GCFC2: variants seen among roughly 807,000 people sequenced by gnomAD.
The protein encoded by GCFC2 is intron Large complex component GCFC2.
In GCFC2, 102 loss-of-function variants were observed where a neutral mutation model predicts 99.4. The observed-to-expected ratio is 1.03, with a 90% CI of 0.87 to 1.21. The LOEUF (loss-of-function observed/expected upper bound fraction) is 1.21, where lower values mean the gene tolerates loss of function less well. Among genes scored for constraint, GCFC2 ranks in the 50% most tolerant of loss-of-function variants. The probability of loss-of-function intolerance (pLI) is 0.00; values close to 1 mark genes in which losing one functional copy is unlikely to be tolerated. For synonymous variants in GCFC2, 338 were observed against 316.8 expected (o/e 1.07, Z -0.71); for missense variants, 973 against 920.9 (o/e 1.06, Z -0.73).
At chr2:75,670,561 A>G (rs1679052313) in intron 14 of GCFC2, 1 of 241,742 alleles carries the variant, frequency 4.1e-6, no homozygotes. Flanking sequence ...TTCCTTCCCA[A>G]TCCATTTTCT....
intron 4 of GCFC2, among the ~76,000 whole-genome samples, chr2:75,696,614 A>C (rs912737681): frequency 8.5e-5 from 13 of 152,320 alleles, no homozygotes; most frequent in African/African-American, 2.6e-4. Flanking sequence ...TTTAAGAAAC[A>C]ACAATCCTTC....
In GCFC2 at chr2:75,670,198, G is replaced by T. The variant is rs1399277984; in HGVS notation, c.2043C>A (p.Tyr681Ter). ...ELGLGKLLNR[Y>*]LIIALLNATP... Reference sequence around the variant, plus strand: ...TGGCATTGAGAAGTGCTATAATAAGGTAACGATTTAGCAGCTTCCCTAGTC... The same window carrying T: ...TGGCATTGAGAAGTGCTATAATAAGTTAACGATTTAGCAGCTTCCCTAGTC... The change falls in exon 15 of 17, where the codon TAC (tyrosine) becomes TAA (stop). Residue 681 changes from tyrosine to a stop codon, truncating the protein, a stop_gained. Transcript: ENST00000321027. LOFTEE classifies it high-confidence loss of function. 1 of 1,606,340 alleles carries T rather than the reference G, an allele frequency of 6.2e-7. No individual in the cohort carries two copies. Among genetic ancestry groups the T allele is most frequent in the South Asian group, 1.1e-5 (1 of 90,924 alleles).
At chr2:75,707,018 C>A (rs1301568300) in intron 1 of GCFC2, among the ~76,000 whole-genome samples, 4 of 152,158 alleles carry the variant, frequency 2.6e-5, no homozygotes, top group African/African-American at 4.8e-5. Flanking sequence ...ACTAGGCACA[C>A]TGAAACCTGT....
Position 75,701,217 on chromosome 2 carries a change from T to C in GCFC2, c.690A>G (p.Gln230=), listed in dbSNP as rs773157137. 1.3e-6 allele frequency: 2 copies of C among 1,595,260 alleles called. No individual in the cohort carries two copies. Among genetic ancestry groups the C allele is most frequent in the Non-Finnish European group, 8.6e-7 (1 of 1,162,780 alleles). ...CTATGATTTTAACTGCTTTCCTCAT[T>C]TGCTGTTGTTCCCAAGTATCTTGCT... ...DEKQDTWEQQ[Q]MRKAVKIIEE... Residue 230 remains glutamine, a synonymous_variant, in exon 4 of 17, where the codon CAA becomes CAG. Transcript: ENST00000321027.
chr2:75,682,000 G>C (rs891909688), intron 11 of GCFC2, among the ~76,000 whole-genome samples: 8 of 151,894 alleles, frequency 5.3e-5, no homozygotes, highest in African/African-American at 1.9e-4. Flanking sequence ...TGGGGAAAGG[G>C]GTGGCTGTGG....
rs564695777 is a variant in GCFC2 at position 75,674,505 on chromosome 2, A to G, written c.1813-985T>C. On this transcript the variant is annotated intron_variant, in intron 12 of 16. Coordinates refer to ENST00000321027, the MANE Select transcript of GCFC2 (RefSeq NM_003203.5). ...TGCCTATTAGGATTATAACTTTGAA[A>G]AAAAAGCCAGGATGAAAATATCCTA... Among the ~76,000 whole-genome samples, 1,204 of 152,308 alleles carry G rather than the reference A, an allele frequency of 7.9e-3. 11 individuals carry two copies. Among genetic ancestry groups the G allele is most frequent in the African/African-American group, 0.028 (1,150 of 41,572 alleles).
In GCFC2 at chr2:75,694,361, G is replaced by A; in HGVS notation, c.900C>T (p.Val300=). The A allele has an allele frequency of 1.3e-6, 2 of 1,531,140 alleles. No homozygotes were observed. Among genetic ancestry groups the A allele is most frequent in the Non-Finnish European group, 1.8e-6 (2 of 1,118,408 alleles). The allele number at this position is 1,531,140 out of a possible 1,614,324, so 94.8% of individuals were successfully genotyped here. The part of the protein sequence containing the change: ...LREYEKYVQD[V]KSSKSTIQNL... ...TCTGGATGGTACTCTTTGAGCTTTT[G>A]ACATCTTGTACGTATTTTTCATACT... The change falls in exon 6 of 17, where the codon GTC becomes GTT. Residue 300 remains valine, a synonymous_variant. Coordinates refer to ENST00000321027, the MANE Select transcript of GCFC2 (RefSeq NM_003203.5).
chr2:75,704,942 C>T (rs966188262), intron 2 of GCFC2, among the ~76,000 whole-genome samples: 1 of 152,226 alleles, frequency 6.6e-6, no homozygotes, highest in African/African-American at 2.4e-5. Context: ...TCCCAAACTG[C>T]AGACATGAGC....
intron 4 of GCFC2, among the ~76,000 whole-genome samples, chr2:75,698,234 G>A (rs573346885): frequency 4.6e-5 from 7 of 152,192 alleles, no homozygotes; most frequent in Non-Finnish European, 1.0e-4. Context: ...TTCTTTAAAT[G>A]GCAATAGAGA....
chr2:75,680,082 C>A, intron 12 of GCFC2, 111 bp downstream of exon 12: 2 of 711,500 alleles, frequency 2.8e-6, no homozygotes, highest in East Asian at 2.8e-5. Context: ...ATGTTTTCCC[C>A]CAAACAGTTT....
chr2:75,706,591 C>G lies in GCFC2; in HGVS notation c.326G>C (p.Ser109Thr). Residue 109 changes from serine to threonine, a missense_variant, in exon 2 of 17, where the codon AGT (serine) becomes ACT (threonine). Physicochemically the swap from Ser to Thr is moderately conservative, Grantham distance 58. Transcript: ENST00000321027. ...EEDKIHHSSE[S>T]KDDQGLSSDS... ...AGAAGACAAACCCTGATCATCCTTA[C>G]TTTCTGAGGAGTGATGTATTTTATC... The G allele has an allele frequency of 6.3e-7, 1 of 1,597,334 alleles. No homozygotes were observed.
chr2:75,707,809 TA>T (rs1372270811), intron 1 of GCFC2, among the ~76,000 whole-genome samples: 1 of 152,220 alleles, frequency 6.6e-6, no homozygotes, highest in Non-Finnish European at 1.5e-5. Context: ...CAGTGATGGG[TA>T]AAACTGCTAG....
chr2:75,694,086 A>C (rs992152335), intron 6 of GCFC2, among the ~76,000 whole-genome samples, 155 bp downstream of exon 6: 1 of 133,818 alleles, frequency 7.5e-6, no homozygotes, highest in African/African-American at 3.2e-5. Flanking sequence ...AAAAACTTGA[A>C]TATCCAACAT....
rs1159637331 is a variant in GCFC2 at position 75,687,919 on chromosome 2, T to C, written c.1598A>G (p.Asp533Gly). ...CTTCTTTGAATCTTCCACACTGCTA[T>C]CCATAAATTCTTCTACAGATTTGAA... ...PWFKSVEEFMDSSVEDSKKES... is the reference protein window; with the variant it reads ...PWFKSVEEFMGSSVEDSKKES... The change falls in exon 11 of 17, where the codon GAT (aspartate) becomes GGT (glycine). Residue 533 changes from aspartate to glycine, a missense_variant. Transcript: ENST00000321027. The C allele has an allele frequency of 6.3e-7, 1 of 1,599,154 alleles. No individual in the cohort carries two copies. The highest frequency in any genetic ancestry group is 8.6e-7 in the Non-Finnish European group (1 of 1,168,406).
chr2:75,666,062 C>A lies in GCFC2; in HGVS notation c.2104-9G>T. The A allele has an allele frequency of 6.3e-7, 1 of 1,597,512 alleles. No individual in the cohort carries two copies. The highest frequency in any genetic ancestry group is 1.1e-5 in the South Asian group (1 of 88,284). ...GGTAGACATGCTGCTACCTGTTAAT[C>A]AAAACACATGGCTGGTTTACAATGA... On this transcript the variant is annotated splice_polypyrimidine_tract_variant and intron_variant, in intron 15 of 16. Transcript: ENST00000321027.
chr2:75,712,961 C>A (rs967907254), upstream of GCFC2, among the ~76,000 whole-genome samples: 5 of 152,174 alleles, frequency 3.3e-5, no homozygotes, highest in Non-Finnish European at 7.3e-5. Context: ...GTGTTTCTCC[C>A]AGATATCCAG....
intron 15 of GCFC2, among the ~76,000 whole-genome samples, chr2:75,666,578 T>C (rs1277004023): frequency 2.0e-5 from 3 of 152,130 alleles, no homozygotes; most frequent in Non-Finnish European, 4.4e-5. Flanking sequence ...AGCAGCAGAA[T>C]GAATCAATGT....
In GCFC2 at chr2:75,669,343, A is replaced by G. The variant is rs186946385; in HGVS notation, c.2103+795T>C. Among the ~76,000 whole-genome samples the G allele has an allele frequency of 2.5e-3, 379 of 152,308 alleles. 2 individuals are homozygous for G. Among genetic ancestry groups the G allele is most frequent in the Middle Eastern group, 0.01 (3 of 294 alleles). On this transcript the variant is annotated intron_variant, in intron 15 of 16. Coordinates refer to ENST00000321027, the MANE Select transcript of GCFC2 (RefSeq NM_003203.5). ...TAGAAAGAATAGTATAATGAGCCCAATGAACACATTCCCCAGTTTTAATAA... is the reference window on the plus strand; with the variant it reads ...TAGAAAGAATAGTATAATGAGCCCAGTGAACACATTCCCCAGTTTTAATAA...
chr2:75,692,476 T>C (rs1352560778), intron 6 of GCFC2, among the ~76,000 whole-genome samples: 1 of 151,766 alleles, frequency 6.6e-6, no homozygotes, highest in African/African-American at 2.4e-5. Context: ...GCGAAACCCC[T>C]TCTCTACTAA....
Sources: gnomAD v4.1 joint callset for allele counts (sites outside exome capture counted in the v4.1 genomes callset) on GRCh38, gnomAD v4.1.1 for gene constraint, MANE v1.5 for transcripts, NCBI Gene and HGNC (gene_info 2026-07-23, HGNC 2026-07-21) for gene names.